PTCD3: variants seen among roughly 807,000 people sequenced by gnomAD.
PTCD3 encodes the protein small ribosomal subunit protein mS39.
A neutral mutation model predicts 101.9 loss-of-function variants in PTCD3; 89 were observed. That is an observed-to-expected ratio of 0.87 (90% CI 0.74 to 1.04). PTCD3 has a LOEUF of 1.04. Among genes scored for constraint, PTCD3 ranks in the 50% least tolerant of loss-of-function variants. PTCD3 has a pLI of 0.00. For synonymous variants in PTCD3, 296 were observed against 278.5 expected (o/e 1.06, Z -0.63); for missense variants, 870 against 828.2 (o/e 1.05, Z -0.62).
At chr2:86,114,447 G>A (rs1478648829) in intron 4 of PTCD3, among the ~76,000 whole-genome samples, 4 of 151,984 alleles carry the variant, frequency 2.6e-5, no homozygotes, top group Non-Finnish European at 4.4e-5. Context: ...CCACCCCCAC[G>A]CCCGGCTAAT....
chr2:86,121,430 G>T (rs754139083), intron 7 of PTCD3, 49 bp from the exon 8 acceptor site: 2 of 1,211,158 alleles, frequency 1.7e-6, no homozygotes, highest in Non-Finnish European at 2.4e-6. Context: ...ACAGGCTTTA[G>T]TTCTTCATTG....
intron 23 of PTCD3, 23 bp downstream of exon 23, chr2:86,137,163 A>T: frequency 6.5e-7 from 1 of 1,547,954 alleles, no homozygotes; most frequent in Non-Finnish European, 8.7e-7. Flanking sequence ...CATGAAGCAT[A>T]GTTTGTAAAA....
chr2:86,106,330 G>C lies in PTCD3; in HGVS notation c.83G>C (p.Cys28Ser), dbSNP rs763722968. The C allele has an allele frequency of 6.2e-7, 1 of 1,614,060 alleles. No individual in the cohort carries two copies. The highest frequency in any genetic ancestry group is 1.1e-5 in the South Asian group (1 of 91,046). Residue 28 changes from cysteine to serine, a missense_variant, in exon 1 of 24, where the codon TGT becomes TCT. Cys to Ser is a moderately radical substitution (Grantham distance 112). Transcript: ENST00000254630. ...QPLTGRRAGL[C>S]EQARSCRFYS... ...CTGACGGGTCGGCGGGCGGGTTTGT[G>C]TGAACAGGCACGCAGCTGCAGGTAA...
chr2:86,118,934 A>G lies in PTCD3; in HGVS notation c.428A>G (p.Glu143Gly), dbSNP rs1203599900. 6.2e-7 allele frequency: 1 copy of G among 1,613,198 alleles called. No homozygotes were observed. Among genetic ancestry groups the G allele is most frequent in the Non-Finnish European group, 8.5e-7 (1 of 1,179,722 alleles). ...TTGTTTTCCTAGTGTTTAATGCCTG[A>G]GTACTTTGAACCTCAGATCAAAGAC... ...AEPHIPCLMPEYFEPQIKDIS... is the reference protein window; with the variant it reads ...AEPHIPCLMPGYFEPQIKDIS... The change falls in exon 7 of 24, where the codon GAG (glutamate) becomes GGG (glycine). Residue 143 changes from glutamate (E) to glycine (G), a missense_variant. Physicochemically the swap from Glu to Gly is moderately conservative, Grantham distance 98. Transcript: ENST00000254630.
At chr2:86,132,479 G>C (rs1674511141) in intron 17 of PTCD3, 55 bp downstream of exon 17, 1 of 1,292,494 alleles carries the variant, frequency 7.7e-7, no homozygotes, top group Non-Finnish European at 1.1e-6. Context: ...CTGCAAGTGG[G>C]AGGCTGTTGA....
At chr2:86,125,402 C>T (rs996878986) in intron 10 of PTCD3, 53 bp from the exon 11 acceptor site, 2 of 1,536,670 alleles carry the variant, frequency 1.3e-6, no homozygotes, top group Non-Finnish European at 1.8e-6. Flanking sequence ...CAGAAATGTG[C>T]AAGGACTTCT....
At chr2:86,132,288 G>A (rs1674507120) in intron 16 of PTCD3, 30 bp from the exon 17 acceptor site, 1 of 1,364,414 alleles carries the variant, frequency 7.3e-7, no homozygotes, top group Non-Finnish European at 1.0e-6. Context: ...CAGGGTATCA[G>A]AGTGATACTT....
chr2:86,136,698 G>T, intron 22 of PTCD3, 136 bp downstream of exon 22: 1 of 1,008,066 alleles, frequency 9.9e-7, no homozygotes, highest in East Asian at 2.4e-5. Context: ...TACTATCCAG[G>T]GCATCCTGAG....
chr2:86,110,228 G>A (rs1214281440), intron 3 of PTCD3, among the ~76,000 whole-genome samples: 1 of 152,236 alleles, frequency 6.6e-6, no homozygotes, highest in Middle Eastern at 3.2e-3. Context: ...ATGAGAGAAT[G>A]TGTCGTTATC....
rs1246796101 is a variant in PTCD3, at chr2:86,116,610, CAT to C, written c.309+16_309+17del. 1 of 1,587,256 alleles carries C rather than the reference CAT, an allele frequency of 6.3e-7. No individual in the cohort carries two copies. Among genetic ancestry groups the C allele is most frequent in the South Asian group, 1.1e-5 (1 of 90,480 alleles). On this transcript the variant is annotated intron_variant, in intron 5 of 23. Coordinates refer to ENST00000254630, the MANE Select transcript of PTCD3 (RefSeq NM_017952.6). The stretch of plus-strand genomic sequence containing the variant: ...CATCTTTGGAATCTGTGAGTATTTT[CAT>C]ATAATTTTCTAGTGTTTTATCTCTC...
intron 7 of PTCD3, chr2:86,119,291 T>C: frequency 2.1e-6 from 1 of 481,788 alleles, no homozygotes; most frequent in Non-Finnish European, 3.6e-6. Flanking sequence ...TGTATCACCC[T>C]TCTACCTTAG....
Position 86,108,394 on chromosome 2 carries a change from A to C in PTCD3, c.149A>C (p.Asp50Ala), listed in dbSNP as rs1419683267. ...SATLSKVEGT[D>A]VTGIEEVVIP... ...ACCCTCTCAAAGGTTGAAGGAACTGATGTAACAGGTATATTTTAAAATATA... is the reference window on the plus strand; with the variant it reads ...ACCCTCTCAAAGGTTGAAGGAACTGCTGTAACAGGTATATTTTAAAATATA... The change falls in exon 2 of 24, where the codon GAT becomes GCT. Residue 50 changes from aspartate (D) to alanine (A), a missense_variant. Asp to Ala is a moderately radical substitution (Grantham distance 126). Coordinates refer to ENST00000254630, the MANE Select transcript of PTCD3 (RefSeq NM_017952.6). 3 of 1,607,154 alleles carry C rather than the reference A, an allele frequency of 1.9e-6. No homozygotes were observed. The highest frequency in any genetic ancestry group is 4.5e-5 in the East Asian group (2 of 44,782).
intron 8 of PTCD3, 148 bp downstream of exon 8, chr2:86,121,742 G>T: frequency 1.9e-6 from 1 of 516,290 alleles, no homozygotes; most frequent in South Asian, 3.1e-5. Context: ...GATAAAAAGT[G>T]GTATAGGAGG....
At chr2:86,118,069 C>T (rs1674208257) in intron 6 of PTCD3, among the ~76,000 whole-genome samples, 1 of 152,206 alleles carries the variant, frequency 6.6e-6, no homozygotes, top group Admixed American at 6.5e-5. Flanking sequence ...GCCACCGTGT[C>T]CGGCCTTGAT....
chr2:86,131,105 TAGTA>T lies in PTCD3; in HGVS notation c.1266+4_1266+7del, dbSNP rs768253370. 8.1e-6 allele frequency: 13 copies of T among 1,597,378 alleles called. No individual in the cohort carries two copies. The highest frequency in any genetic ancestry group is 3.5e-5 in the Admixed American group (2 of 57,668). On this transcript the variant is annotated splice_donor_variant and splice_donor_region_variant and coding_sequence_variant and intron_variant, in exon 16 of 24. Transcript: ENST00000254630. LOFTEE classifies it high-confidence loss of function. ...AAGTTTTTTCAGTCAGCCATGAGCATAGTAAGTATCATTTCTTTATTAATTTGCT... is the reference window on the plus strand; with the variant it reads ...AAGTTTTTTCAGTCAGCCATGAGCATAGTATCATTTCTTTATTAATTTGCT...
At chr2:86,119,575 C>T (rs182298141) in intron 7 of PTCD3, 2 of 154,178 alleles carry the variant, frequency 1.3e-5, no homozygotes, top group African/African-American at 4.8e-5. Flanking sequence ...CCAGGATGGT[C>T]TCGATCTCCT....
intron 1 of PTCD3, 100 bp downstream of exon 1, chr2:86,106,451 T>C: frequency 2.4e-6 from 3 of 1,266,856 alleles, no homozygotes; most frequent in Non-Finnish European, 3.3e-6. Context: ...AATGGTTTGC[T>C]CATGCGCGCC....
chr2:86,134,754 G>C, intron 20 of PTCD3, 85 bp from the exon 21 acceptor site: 1 of 1,470,692 alleles, frequency 6.8e-7, no homozygotes, highest in Middle Eastern at 2.4e-4. Context: ...GCATTGCTCA[G>C]ATTTTAAGGA....
At chr2:86,119,126 A>C in intron 7 of PTCD3, 82 bp downstream of exon 7, 1 of 1,533,170 alleles carries the variant, frequency 6.5e-7, no homozygotes, top group Non-Finnish European at 8.9e-7. Flanking sequence ...ATTTTGAGTA[A>C]GAGTTACAGG....
Sources: allele counts gnomAD v4.1 joint callset (sites outside exome capture counted in the v4.1 genomes callset), GRCh38; gene constraint gnomAD v4.1.1; transcripts MANE v1.5; gene names NCBI Gene and HGNC (gene_info 2026-07-23, HGNC 2026-07-21).